Variants in NECAB1 observed in about 807,000 individuals in gnomAD.
NECAB1 encodes N-terminal EF-hand calcium-binding protein 1.
NECAB1 carries 29 observed loss-of-function variants against 57.5 expected under a neutral mutation model. The observed-to-expected ratio is 0.50, with a 90% CI of 0.38 to 0.69. The LOEUF (loss-of-function observed/expected upper bound fraction) is 0.69. NECAB1 is among the 30% of genes least tolerant of loss of function. The pLI is 0.00. For synonymous variants in NECAB1, 142 were observed against 147.7 expected (o/e 0.96, Z 0.28); for missense variants, 372 against 413.8 (o/e 0.90, Z 0.88).
At chr8:90,817,891 T>A (rs1412241257) in intron 2 of NECAB1, among the ~76,000 whole-genome samples, 1 of 151,912 alleles carries the variant, frequency 6.6e-6, no homozygotes, top group Admixed American at 6.6e-5. Context: ...TGCTATCATT[T>A]GTTGCTTACA....
intron 7 of NECAB1, among the ~76,000 whole-genome samples, chr8:90,926,711 G>C (rs1563537547): frequency 6.6e-6 from 1 of 152,138 alleles, no homozygotes; most frequent in Non-Finnish European, 1.5e-5. Flanking sequence ...CCTAGTGGGT[G>C]TCAGAAGCAC....
chr8:90,826,710 T>A (rs780336350), intron 3 of NECAB1, among the ~76,000 whole-genome samples: 3 of 151,662 alleles, frequency 2.0e-5, no homozygotes, highest in Non-Finnish European at 4.4e-5. Context: ...ACATTTAATT[T>A]ATATTAATAT....
chr8:90,937,190 T>C (rs1810558731), intron 9 of NECAB1, among the ~76,000 whole-genome samples: 1 of 152,156 alleles, frequency 6.6e-6, no homozygotes, highest in Non-Finnish European at 1.5e-5. Flanking sequence ...AGTCAATGGC[T>C]AAAAGCAAAA....
At chr8:90,947,189 C>G (rs933893437) in intron 10 of NECAB1, among the ~76,000 whole-genome samples, 18 of 151,904 alleles carry the variant, frequency 1.2e-4, no homozygotes, top group Admixed American at 6.6e-5. Context: ...CACCCCATTC[C>G]TTTTGTTTCT....
At chr8:90,902,334 C>T (rs11985020) in intron 5 of NECAB1, among the ~76,000 whole-genome samples, 6,779 of 152,196 alleles carry the variant, frequency 0.045, 540 homozygotes, top group African/African-American at 0.15. Context: ...GTAGGAGAAT[C>T]GCTTGAACCC....
chr8:90,939,342 T>A (rs537176359), intron 9 of NECAB1, among the ~76,000 whole-genome samples: 1 of 152,282 alleles, frequency 6.6e-6, no homozygotes, highest in African/African-American at 2.4e-5. Context: ...TCTGCTACGT[T>A]GATTGGCCAG....
rs145751655 is a variant in NECAB1, at chr8:90,835,012, C to T, written c.233+10187C>T. Among the ~76,000 whole-genome samples, 90 of 150,218 alleles carry T rather than the reference C, an allele frequency of 6.0e-4. No individual in the cohort carries two copies. The East Asian group carries it at 0.01, about 17-fold the overall frequency. On this transcript the variant is annotated intron_variant, in intron 3 of 12. Coordinates refer to ENST00000417640, the MANE Select transcript of NECAB1 (RefSeq NM_022351.5). ...TTTTTTTTTTTTTTAAAAAAGAGCC[C>T]GCATCGACTTTCTTTATTAGTTTAA...
intron 3 of NECAB1, among the ~76,000 whole-genome samples, chr8:90,869,722 C>T (rs939881386): frequency 2.0e-5 from 3 of 152,186 alleles, no homozygotes; most frequent in African/African-American, 7.2e-5. Context: ...TTTGATTTTA[C>T]AGGCTCAGAG....
At chr8:90,815,610 G>T (rs1460837071) in intron 2 of NECAB1, among the ~76,000 whole-genome samples, 1 of 151,712 alleles carries the variant, frequency 6.6e-6, no homozygotes, top group Non-Finnish European at 1.5e-5. Context: ...TTATAAATTT[G>T]CCCTTTCCAA....
At chr8:90,907,143 T>TGAGAGAGA (rs67911820) in intron 5 of NECAB1, among the ~76,000 whole-genome samples, 226 of 106,596 alleles carry the variant, frequency 2.1e-3, no homozygotes, top group East Asian at 9.8e-3. Flanking sequence ...TGTGTGTGTG[T>TGAGAGAGA]GTGTGTGTGA....
At chr8:90,877,504 C>T (rs1808749461) in intron 4 of NECAB1, among the ~76,000 whole-genome samples, 1 of 152,126 alleles carries the variant, frequency 6.6e-6, no homozygotes, top group Non-Finnish European at 1.5e-5. Context: ...ATCTTCATGT[C>T]TAACAAGTAC....
intron 5 of NECAB1, among the ~76,000 whole-genome samples, chr8:90,884,727 T>C (rs1448611914): frequency 6.6e-6 from 1 of 152,244 alleles, no homozygotes; most frequent in East Asian, 1.9e-4. Context: ...AAACCGTTTA[T>C]TTGACATCTT....
intron 3 of NECAB1, among the ~76,000 whole-genome samples, chr8:90,843,780 T>G (rs1440519444): frequency 1.3e-5 from 2 of 152,364 alleles, no homozygotes; most frequent in African/African-American, 4.8e-5. Flanking sequence ...TCCTCTTGTA[T>G]TTTTAGATCA....
At chr8:90,866,003 A>T (rs1808505929) in intron 3 of NECAB1, among the ~76,000 whole-genome samples, 1 of 152,174 alleles carries the variant, frequency 6.6e-6, no homozygotes, top group South Asian at 2.1e-4. Flanking sequence ...CCTGATTTTT[A>T]TATGACCAAT....
chr8:90,863,769 A>G (rs1007188433), intron 3 of NECAB1, among the ~76,000 whole-genome samples: 1 of 152,104 alleles, frequency 6.6e-6, no homozygotes, highest in Non-Finnish European at 1.5e-5. Flanking sequence ...TCTAAATTCC[A>G]GTTATTTTAA....
At chr8:90,938,312 T>C (rs1810587124) in intron 9 of NECAB1, among the ~76,000 whole-genome samples, 1 of 152,174 alleles carries the variant, frequency 6.6e-6, no homozygotes, top group Non-Finnish European at 1.5e-5. Context: ...CTACTACTCC[T>C]ATAATAGAGA....
chr8:90,913,298 G>A (rs778584832), intron 5 of NECAB1, among the ~76,000 whole-genome samples: 8 of 150,930 alleles, frequency 5.3e-5, no homozygotes, highest in South Asian at 2.1e-4. Context: ...TTGGCTTTCC[G>A]CAGACAAAAA....
At chr8:90,838,947 C>G (rs1812412641) in intron 3 of NECAB1, among the ~76,000 whole-genome samples, 1 of 152,056 alleles carries the variant, frequency 6.6e-6, no homozygotes. Flanking sequence ...GATTTCTTAA[C>G]CTGGGTAAAA....
At chr8:90,795,069 C>T (rs1811638207) in intron 1 of NECAB1, among the ~76,000 whole-genome samples, 1 of 152,212 alleles carries the variant, frequency 6.6e-6, no homozygotes, top group Admixed American at 6.5e-5. Context: ...CACATAGGAC[C>T]ACAGGGATTA....
Sources: allele counts gnomAD v4.1 joint callset (sites outside exome capture counted in the v4.1 genomes callset), GRCh38; gene constraint gnomAD v4.1.1; transcripts MANE v1.5; gene names NCBI Gene and HGNC (gene_info 2026-07-23, HGNC 2026-07-21).